SLC45A4: variants seen among roughly 807,000 people sequenced by gnomAD.
SLC45A4 encodes the protein solute carrier family 45 member 4.
A neutral mutation model predicts 63.7 loss-of-function variants in SLC45A4; 32 were observed. The ratio of observed to expected loss-of-function variants is 0.50; its 90% CI spans 0.38 to 0.67. The LOEUF (loss-of-function observed/expected upper bound fraction) is 0.67, where lower values mean the gene tolerates loss of function less well. Ranked by LOEUF, SLC45A4 falls within the 30% of genes least tolerant of loss-of-function variation. The pLI, the probability that SLC45A4 is intolerant of heterozygous loss-of-function variation, is 0.00. For missense variants in SLC45A4, 1,027 were observed against 1,157.7 expected (o/e 0.89, Z 1.64); for synonymous variants, 535 against 510.0 (o/e 1.05, Z -0.66).
chr8:141,262,620 A>G (rs560891435), intron 1 of SLC45A4, among the ~76,000 whole-genome samples: 2,015 of 150,872 alleles, frequency 0.013, 37 homozygotes, highest in African/African-American at 0.046. Flanking sequence ...AAAAATGCTC[A>G]TCATCACTGG....
At chr8:141,212,597 G>A in intron 7 of SLC45A4, 41 bp from the exon 8 acceptor site, 2 of 1,551,668 alleles carry the variant, frequency 1.3e-6, no homozygotes, top group East Asian at 2.3e-5. Context: ...GGCTGGAGAA[G>A]GTGGCTGCTA....
chr8:141,294,275 C>G (rs1830461492), intron 1 of SLC45A4, among the ~76,000 whole-genome samples: 1 of 152,218 alleles, frequency 6.6e-6, no homozygotes, highest in Non-Finnish European at 1.5e-5. Flanking sequence ...GGTGGCTGGA[C>G]AGAAGCAGGT....
intron 1 of SLC45A4, among the ~76,000 whole-genome samples, chr8:141,305,699 C>G (rs1055687139): frequency 3.3e-5 from 5 of 152,180 alleles, no homozygotes; most frequent in African/African-American, 1.2e-4. Flanking sequence ...CACTGGGCGT[C>G]AGGACCCTCG....
chr8:141,213,950 T>C (rs1438422871), intron 7 of SLC45A4, among the ~76,000 whole-genome samples: 4 of 152,176 alleles, frequency 2.6e-5, no homozygotes, highest in Admixed American at 6.5e-5. Flanking sequence ...CTTCCACCTG[T>C]AATCCCAGCA....
Position 141,254,155 on chromosome 8 carries a change from C to T in SLC45A4, c.75G>A (p.Pro25=), listed in dbSNP as rs867222395. 1.6e-5 allele frequency: 25 copies of T among 1,536,036 alleles called. No homozygotes were observed. The Middle Eastern group carries it at 1.7e-3, about 102-fold the overall frequency. ...CGGCCTCTGCGCCTCCGGCTTTCTG[C>T]GGGTCCGGCAGGGGCACGGATAACT... The part of the protein sequence containing the change: ...VQELSVPLPD[P]QKAGGAEAEN... Residue 25 remains proline (P), a synonymous_variant, in exon 2 of 9, where the codon CCG becomes CCA. Coordinates refer to ENST00000517878, the MANE Select transcript of SLC45A4 (RefSeq NM_001286646.2). This position sits in a 1 kb window ranked among gnomAD's most constrained non-coding sequence, Gnocchi z 4.5.
chr8:141,275,587 C>T (rs564489046), intron 1 of SLC45A4, among the ~76,000 whole-genome samples: 1 of 147,848 alleles, frequency 6.8e-6, no homozygotes, highest in South Asian at 2.3e-4. Context: ...CCAGCCTGGG[C>T]AATATAGTGA....
At chr8:141,302,298 C>T (rs184623852) in intron 1 of SLC45A4, among the ~76,000 whole-genome samples, 1,645 of 152,174 alleles carry the variant, frequency 0.011, 24 homozygotes, top group African/African-American at 0.037. Flanking sequence ...CTTGCTCTTT[C>T]GCTCAGGCTG....
At chr8:141,231,652 G>C (rs1490779603) in intron 2 of SLC45A4, among the ~76,000 whole-genome samples, 3 of 152,194 alleles carry the variant, frequency 2.0e-5, no homozygotes, top group African/African-American at 7.2e-5. Flanking sequence ...CTCGAGCCAA[G>C]GTGCAGGCAG....
rs1401137046 is a variant in SLC45A4 at position 141,218,611 on chromosome 8, G to A, written c.1029C>T (p.Thr343=). ...SIFHDASYPA[T]PRSTSQELAK... is the part of the protein sequence containing the mutation. ...CGAGCTCCTGGCTGGTGCTGCGGGG[G>A]GTGGCGGGGTAGGAGGCGTCGTGGA... Residue 343 remains threonine (T), a synonymous_variant, in exon 5 of 9, where the codon ACC becomes ACT. Transcript: ENST00000517878. 4 of 1,613,308 alleles carry A rather than the reference G, an allele frequency of 2.5e-6. No individual in the cohort carries two copies. In the South Asian group the frequency reaches 4.4e-5, roughly 18 times the overall value.
chr8:141,253,953 C>T, intron 2 of SLC45A4, 36 bp downstream of exon 2: 1 of 1,532,808 alleles, frequency 6.5e-7, no homozygotes, highest in Non-Finnish European at 8.7e-7. Flanking sequence ...GCACTCCGCT[C>T]AGCGTTCACT....
intron 2 of SLC45A4, among the ~76,000 whole-genome samples, chr8:141,238,022 C>G (rs1827716138): frequency 6.6e-6 from 1 of 152,254 alleles, no homozygotes; most frequent in South Asian, 2.1e-4. Context: ...AGAAGTTTCT[C>G]AACTATTTTG....
In SLC45A4 at chr8:141,256,425, C is replaced by T. The variant is rs1327309217; in HGVS notation, c.-400-1796G>A. On this transcript the variant is annotated intron_variant, in intron 1 of 8. Coordinates refer to ENST00000517878, the MANE Select transcript of SLC45A4 (RefSeq NM_001286646.2). This position sits in a 1 kb window ranked among gnomAD's most constrained non-coding sequence, Gnocchi z 4.3. The stretch of plus-strand genomic sequence containing the variant: ...CAAAGGTGGTCTTAATTAGCTCCTC[C>T]TCTCTTTCTCCCCAGAGGAGACCAG... The T allele has an allele frequency of 7.8e-6, 3 of 382,344 alleles. No individual in the cohort carries two copies. Among genetic ancestry groups the T allele is most frequent in the Admixed American group, 3.4e-5 (1 of 29,104 alleles). The allele number at this position is 382,344 out of a possible 1,614,324, so 23.7% of individuals were successfully genotyped here.
chr8:141,217,333 C>A, intron 5 of SLC45A4, 144 bp from the exon 6 acceptor site: 1 of 793,664 alleles, frequency 1.3e-6, no homozygotes, highest in Non-Finnish European at 2.0e-6. Flanking sequence ...GAGCCCAGCC[C>A]AAGTCGGTTG....
At position 141,228,962 on chromosome 8, in the gene SLC45A4, A is replaced by AC. The variant is rs539429847; in HGVS notation, c.242-7198dup. 2.0e-5 allele frequency among the ~76,000 whole-genome samples: 3 copies of AC among 152,028 alleles called. No homozygotes were observed. The East Asian group carries it at 5.8e-4, about 30-fold the overall frequency. On this transcript the variant is annotated intron_variant, in intron 2 of 8. Coordinates refer to ENST00000517878, the MANE Select transcript of SLC45A4 (RefSeq NM_001286646.2). ...CCCGGGCACCAACACCACCCGCCCCACAGCCCACCTGGCGCCAGGTGCCGC... is the reference window on the plus strand; with the variant it reads ...CCCGGGCACCAACACCACCCGCCCCACCAGCCCACCTGGCGCCAGGTGCCGC...
chr8:141,276,641 C>A (rs1829737640), intron 1 of SLC45A4, among the ~76,000 whole-genome samples: 1 of 152,200 alleles, frequency 6.6e-6, no homozygotes, highest in African/African-American at 2.4e-5. Flanking sequence ...CGCCTCTGCA[C>A]AGCACTGCAC....
At chr8:141,270,634 G>A (rs1251035645) in intron 1 of SLC45A4, among the ~76,000 whole-genome samples, 2 of 152,148 alleles carry the variant, frequency 1.3e-5, no homozygotes, top group Admixed American at 6.5e-5. Context: ...TCGCATCGCT[G>A]CACTCTAGCC....
At chr8:141,245,121 A>G (rs747885919) in intron 2 of SLC45A4, among the ~76,000 whole-genome samples, 4 of 152,174 alleles carry the variant, frequency 2.6e-5, no homozygotes, top group Non-Finnish European at 5.9e-5. Flanking sequence ...AGAAAAAGAT[A>G]ATGACAGTAA....
intron 2 of SLC45A4, chr8:141,252,228 A>G (rs10095322): frequency 0.28 from 42,011 of 151,858 alleles, 6,040 homozygotes; most frequent in East Asian, 0.39. Context: ...GAAAATAAAC[A>G]TTCTGACAAA....
chr8:141,229,493 G>C lies in SLC45A4; in HGVS notation c.242-7728C>G, dbSNP rs1827225559. The stretch of plus-strand genomic sequence containing the variant: ...GAGGGTCCAGCCAGTGCCTTCCCCG[G>C]GTAGGGGCAGCTCCCCTGGTGTCCA... On this transcript the variant is annotated intron_variant, in intron 2 of 8. Transcript: ENST00000517878. The surrounding 1 kb of genome is among the most constrained non-coding windows in gnomAD (Gnocchi z 5.0). Among the ~76,000 whole-genome samples, 1 of 152,122 alleles carries C rather than the reference G, an allele frequency of 6.6e-6. No homozygotes were observed. Among genetic ancestry groups the C allele is most frequent in the African/African-American group, 2.4e-5 (1 of 41,422 alleles).
Sources: allele counts gnomAD v4.1 joint callset (sites outside exome capture counted in the v4.1 genomes callset), GRCh38; gene constraint gnomAD v4.1.1; non-coding constraint Gnocchi (gnomAD v3.1); transcripts MANE v1.5; gene names NCBI Gene and HGNC (gene_info 2026-07-23, HGNC 2026-07-21).